Variants in HIPK2 observed in about 807,000 individuals in gnomAD.
HIPK2 encodes the protein homeodomain-interacting protein kinase 2.
HIPK2 carries 27 observed loss-of-function variants against 113.7 expected under a neutral mutation model. The ratio of observed to expected loss-of-function variants is 0.24; its 90% CI spans 0.17 to 0.33. The LOEUF (loss-of-function observed/expected upper bound fraction) is 0.33, where lower values mean the gene tolerates loss of function less well. HIPK2 is among the 10% of genes least tolerant of loss of function. The probability of loss-of-function intolerance (pLI) is 1.00; values close to 1 mark genes in which losing one functional copy is unlikely to be tolerated. For synonymous variants in HIPK2, 631 were observed against 642.2 expected (o/e 0.98, Z 0.26); for missense variants, 1,257 against 1,588.0 (o/e 0.79, Z 3.54).
chr7:139,775,865 A>T (rs1463568666), intron 1 of HIPK2, among the ~76,000 whole-genome samples: 3 of 152,160 alleles, frequency 2.0e-5, no homozygotes, highest in Non-Finnish European at 4.4e-5. Flanking sequence ...CACAAAGTTG[A>T]CAAAATACAC....
intron 1 of HIPK2, among the ~76,000 whole-genome samples, chr7:139,728,451 C>T (rs1462831036): frequency 6.6e-6 from 1 of 152,132 alleles, no homozygotes; most frequent in South Asian, 2.1e-4. Context: ...TGTTCTAGGC[C>T]TCCCTCCTTG....
intron 1 of HIPK2, among the ~76,000 whole-genome samples, chr7:139,749,276 C>T (rs1048195590): frequency 2.0e-5 from 3 of 152,220 alleles, no homozygotes; most frequent in Admixed American, 6.5e-5. Flanking sequence ...AGAAAGCTAT[C>T]CACCAGCACA....
At chr7:139,676,092 C>T (rs1046690066) in intron 2 of HIPK2, among the ~76,000 whole-genome samples, 1 of 152,162 alleles carries the variant, frequency 6.6e-6, no homozygotes, top group Non-Finnish European at 1.5e-5. Context: ...TTGTTCTGTG[C>T]CTCTATGGCA....
chr7:139,603,360 T>C (rs1799505050), intron 10 of HIPK2, among the ~76,000 whole-genome samples: 1 of 152,024 alleles, frequency 6.6e-6, no homozygotes, highest in Non-Finnish European at 1.5e-5. Flanking sequence ...TGTGGTGGTG[T>C]TCGGGGGAAG....
chr7:139,648,091 G>A (rs987057681), intron 2 of HIPK2, among the ~76,000 whole-genome samples: 26 of 152,194 alleles, frequency 1.7e-4, no homozygotes, highest in Admixed American at 1.6e-3. Flanking sequence ...ACATTAACCC[G>A]CTAAATGGAG....
chr7:139,588,184 G>C (rs1325084732), intron 12 of HIPK2, among the ~76,000 whole-genome samples: 9 of 152,114 alleles, frequency 5.9e-5, no homozygotes, highest in Non-Finnish European at 1.3e-4. Context: ...CAGGCGTGGT[G>C]GTGTGCACCT....
At chr7:139,757,770 T>C (rs1569485238) in intron 1 of HIPK2, among the ~76,000 whole-genome samples, 1 of 152,144 alleles carries the variant, frequency 6.6e-6, no homozygotes, top group Non-Finnish European at 1.5e-5. Context: ...TAAAATTAGA[T>C]AGTAGTGATG....
chr7:139,698,533 A>T (rs1794624276), intron 2 of HIPK2, among the ~76,000 whole-genome samples: 1 of 152,238 alleles, frequency 6.6e-6, no homozygotes, highest in African/African-American at 2.4e-5. Context: ...ACGAACTGCC[A>T]AACTGTTTTC....
chr7:139,726,965 T>C (rs1353937709), intron 1 of HIPK2, among the ~76,000 whole-genome samples: 1 of 152,224 alleles, frequency 6.6e-6, no homozygotes, highest in Non-Finnish European at 1.5e-5. Flanking sequence ...GGGCAGATTT[T>C]GTTTTAGGCA....
At chr7:139,727,566 T>C (rs1165933539) in intron 1 of HIPK2, among the ~76,000 whole-genome samples, 4 of 152,238 alleles carry the variant, frequency 2.6e-5, no homozygotes, top group African/African-American at 9.6e-5. Flanking sequence ...ATCTACTTAT[T>C]GACTCATTAT....
chr7:139,669,060 A>G (rs1195425610), intron 2 of HIPK2, among the ~76,000 whole-genome samples: 1 of 152,252 alleles, frequency 6.6e-6, no homozygotes, highest in Non-Finnish European at 1.5e-5. Flanking sequence ...CCAAAACAAT[A>G]AAATCAATGA....
At chr7:139,688,591 A>C (rs1389066625) in intron 2 of HIPK2, among the ~76,000 whole-genome samples, 1 of 152,190 alleles carries the variant, frequency 6.6e-6, no homozygotes, top group Non-Finnish European at 1.5e-5. Flanking sequence ...GATGTTTAAG[A>C]GGGCTGGTAG....
At chr7:139,727,207 G>C (rs1351174530) in intron 1 of HIPK2, among the ~76,000 whole-genome samples, 2 of 152,042 alleles carry the variant, frequency 1.3e-5, no homozygotes, top group African/African-American at 4.8e-5. Flanking sequence ...AGTATGAGGA[G>C]GACAATATGA....
At chr7:139,602,030 G>C (rs1385201182) in intron 10 of HIPK2, among the ~76,000 whole-genome samples, 2 of 142,546 alleles carry the variant, frequency 1.4e-5, no homozygotes, top group African/African-American at 5.3e-5. Context: ...TCGGCTCACT[G>C]CAACCTCTGC....
intron 1 of HIPK2, among the ~76,000 whole-genome samples, chr7:139,770,256 T>C (rs1278622213): frequency 6.6e-6 from 1 of 152,206 alleles, no homozygotes; most frequent in African/African-American, 2.4e-5. Flanking sequence ...AAGCTGGAGT[T>C]TTCCAAATCT....
chr7:139,732,819 ATGTGTGTGTG>A (rs71170913), intron 1 of HIPK2, among the ~76,000 whole-genome samples: 3 of 144,994 alleles, frequency 2.1e-5, no homozygotes, highest in South Asian at 2.2e-4. Context: ...TTATATATAT[ATGTGTGTGTG>A]TGTGTGTGTG....
At chr7:139,653,372 T>C (rs910007542) in intron 2 of HIPK2, among the ~76,000 whole-genome samples, 2 of 151,298 alleles carry the variant, frequency 1.3e-5, no homozygotes, top group Non-Finnish European at 2.9e-5. Context: ...CATGAGTAAC[T>C]GGAAAATGCA....
chr7:139,655,187 G>A (rs958495373), intron 2 of HIPK2, among the ~76,000 whole-genome samples: 5 of 152,232 alleles, frequency 3.3e-5, no homozygotes, highest in African/African-American at 1.2e-4. Flanking sequence ...GTGCAGAGTT[G>A]ATGACAAGGA....
At chr7:139,735,916 C>T (rs1795926030) in intron 1 of HIPK2, among the ~76,000 whole-genome samples, 1 of 152,178 alleles carries the variant, frequency 6.6e-6, no homozygotes, top group African/African-American at 2.4e-5. Context: ...AAAACAGGAC[C>T]AAACCCATCT....
Sources: allele counts gnomAD v4.1 joint callset (sites outside exome capture counted in the v4.1 genomes callset), GRCh38; gene constraint gnomAD v4.1.1; transcripts MANE v1.5; gene names NCBI Gene and HGNC (gene_info 2026-07-23, HGNC 2026-07-21).